Variants in TRRAP observed in about 807,000 individuals in gnomAD.
TRRAP encodes the protein transformation/transcription domain-associated protein.
A neutral mutation model predicts 438.8 loss-of-function variants in TRRAP; 41 were observed. The ratio of observed to expected loss-of-function variants is 0.09; its 90% CI spans 0.07 to 0.12. The LOEUF (loss-of-function observed/expected upper bound fraction) is 0.12. Ranked by LOEUF, TRRAP falls within the 10% of genes least tolerant of loss-of-function variation. The probability of loss-of-function intolerance (pLI) is 1.00; values close to 1 mark genes in which losing one functional copy is unlikely to be tolerated. For synonymous variants in TRRAP, 1,994 were observed against 1,962.9 expected (o/e 1.02, Z -0.42); for missense variants, 3,122 against 5,055.1 (o/e 0.62, Z 11.60).
chr7:98,914,732 A>G (rs1789442840), intron 18 of TRRAP, among the ~76,000 whole-genome samples: 1 of 149,488 alleles, frequency 6.7e-6, no homozygotes, highest in African/African-American at 2.4e-5. Flanking sequence ...AAAAAAAAAA[A>G]AAAAAAAAAA....
At chr7:98,936,768 T>C (rs771943533) in intron 28 of TRRAP, among the ~76,000 whole-genome samples, 27 of 152,212 alleles carry the variant, frequency 1.8e-4, no homozygotes, top group Non-Finnish European at 3.7e-4. Flanking sequence ...TCTTCTCATC[T>C]GAAGACGTAA....
intron 51 of TRRAP, among the ~76,000 whole-genome samples, chr7:98,969,399 C>A (rs1240751534): frequency 6.6e-6 from 1 of 152,228 alleles, no homozygotes; most frequent in Non-Finnish European, 1.5e-5. Flanking sequence ...CCTTTTAATT[C>A]TGTCAGTCCA....
intron 19 of TRRAP, 141 bp from the exon 20 acceptor site, chr7:98,917,282 G>T: frequency 8.9e-7 from 1 of 1,128,158 alleles, no homozygotes; most frequent in South Asian, 1.5e-5. Flanking sequence ...ATGTAACAGG[G>T]TGGAGTCTAA....
Position 98,937,251 on chromosome 7 carries a change from G to A in TRRAP, c.4207G>A (p.Glu1403Lys). 6.2e-7 allele frequency: 1 copy of A among 1,613,452 alleles called. No homozygotes were observed. The highest frequency in any genetic ancestry group is 2.2e-5 in the East Asian group (1 of 44,846). Residue 1403 changes from glutamate (E) to lysine (K), a missense_variant, in exon 29 of 73, where the codon GAG (glutamate) becomes AAG (lysine). Physicochemically the swap from Glu to Lys is moderately conservative, Grantham distance 56. Transcript: ENST00000456197. ...GAATTCCACCAATAGTGAGCTCCAA[G>A]AGGCCGGAGAAGCCTGTATGAGAAA... is the stretch of plus-strand genomic sequence containing the variant. ...ALNSTNSELQ[E>K]AGEACMRKFL...
At chr7:98,882,657 C>G (rs1795505673) in intron 3 of TRRAP, among the ~76,000 whole-genome samples, 1 of 151,350 alleles carries the variant, frequency 6.6e-6, no homozygotes, top group Non-Finnish European at 1.5e-5. Flanking sequence ...GCCACCTCAC[C>G]TGGCCTGTTT....
chr7:98,945,935 C>A lies in TRRAP; in HGVS notation c.4533C>A (p.Ala1511=). Residue 1511 remains alanine, a synonymous_variant, in exon 33 of 73, where the codon GCC becomes GCA. Transcript: ENST00000456197. ...PLSPFCQFEP[A]MEGVEEMKIC... ...TAATTTTTGTTTTGGTTCAGCCTGC[C>A]ATGGAAGGGGTAGAGGTGAGAACTT... The A allele has an allele frequency of 6.7e-7, 1 of 1,493,434 alleles. No homozygotes were observed. Among genetic ancestry groups the A allele is most frequent in the Admixed American group, 2.1e-5 (1 of 47,272 alleles). 92.5% of individuals were successfully genotyped at this position (1,493,434 alleles called of 1,614,324 possible). A position where few individuals can be genotyped will look rare whatever the true frequency, so the allele number is the denominator to read the frequency against.
chr7:98,942,576 G>C (rs1260408086), intron 30 of TRRAP, among the ~76,000 whole-genome samples: 6 of 152,184 alleles, frequency 3.9e-5, no homozygotes, highest in African/African-American at 1.4e-4. Flanking sequence ...CGCAAGGAGA[G>C]GGACATCATG....
rs760090444 is a variant in TRRAP, at chr7:98,976,718, C to G, written c.8195C>G (p.Pro2732Arg). Residue 2732 changes from proline to arginine, a missense_variant, in exon 55 of 73, where the codon CCG becomes CGG. Pro to Arg is a moderately radical substitution (Grantham distance 103). This residue lies in a region of TRRAP where 992 missense variants were observed against 1,281.2 expected (regional missense o/e 0.77). Coordinates refer to ENST00000456197, the MANE Select transcript of TRRAP (RefSeq NM_001375524.1). This position sits in a 1 kb window ranked among gnomAD's most constrained non-coding sequence, Gnocchi z 4.6. ...AAGGGTCTGAGTCTTCAGATTAAGCCGAAGCAAACAACGGAGTTTTATGAG... is the reference window on the plus strand; with the variant it reads ...AAGGGTCTGAGTCTTCAGATTAAGCGGAAGCAAACAACGGAGTTTTATGAG... The part of the protein sequence containing the change: ...FEKGLSLQIK[P>R]KQTTEFYEQE... 1 of 1,613,962 alleles carries G rather than the reference C, an allele frequency of 6.2e-7. No individual in the cohort carries two copies. The highest frequency in any genetic ancestry group is 8.5e-7 in the Non-Finnish European group (1 of 1,180,036).
intron 22 of TRRAP, 116 bp from the exon 23 acceptor site, chr7:98,927,051 C>T (rs748581739): frequency 2.8e-4 from 316 of 1,139,060 alleles, no homozygotes; most frequent in Non-Finnish European, 3.8e-4. Context: ...ATAAATTACC[C>T]AGGCCTGTCT....
In TRRAP at chr7:98,948,634, G is replaced by A. The variant is rs782130193; in HGVS notation, c.4737G>A (p.Leu1579=). The change falls in exon 35 of 73, where the codon CTG becomes CTA. Residue 1579 remains leucine (L), a synonymous_variant. Transcript: ENST00000456197. The surrounding 1 kb of genome is among the most constrained non-coding windows in gnomAD (Gnocchi z 4.9). Reference sequence around the variant, plus strand: ...GACATCCCTCGCAGACAGTGGAGCTGTTCATGATGGAAGCCACACTGAACG... The same window carrying A: ...GACATCCCTCGCAGACAGTGGAGCTATTCATGATGGAAGCCACACTGAACG... ...LTRHPSQTVE[L]FMMEATLNDP... 4 of 1,614,182 alleles carry A rather than the reference G, an allele frequency of 2.5e-6. No individual in the cohort carries two copies. Among genetic ancestry groups the A allele is most frequent in the Non-Finnish European group, 1.7e-6 (2 of 1,180,044 alleles).
At chr7:98,966,898 C>T (rs1490340332) in intron 49 of TRRAP, 143 bp from the exon 50 acceptor site, 2 of 748,770 alleles carry the variant, frequency 2.7e-6, no homozygotes, top group African/African-American at 1.8e-5. Context: ...TGATTTTAAG[C>T]ATCCAAAGAT....
intron 49 of TRRAP, 109 bp downstream of exon 49, chr7:98,966,004 ATTGCACTCACAGCATCT>A: frequency 8.0e-7 from 1 of 1,252,540 alleles, no homozygotes; most frequent in Non-Finnish European, 1.1e-6. Flanking sequence ...TTCTGCTGTA[ATTGCACTCACAGCATCT>A]TTTCTTAATT....
chr7:98,913,275 T>C (rs777834075), intron 18 of TRRAP, among the ~76,000 whole-genome samples: 1 of 152,036 alleles, frequency 6.6e-6, no homozygotes, highest in Admixed American at 6.6e-5. Flanking sequence ...TCCACTTCAC[T>C]CAGGTTTTGT....
In TRRAP at chr7:98,950,091, G is replaced by A. The variant is rs782426687; in HGVS notation, c.5163G>A (p.Leu1721=). Residue 1721 remains leucine, a synonymous_variant, in exon 38 of 73, where the codon CTG becomes CTA. Transcript: ENST00000456197. ...GGAATTACGGAGATATAGAATTGCT[G>A]TTCCAGCTGCTCCGAGCCTTTACTG... ...CKRNYGDIEL[L]FQLLRAFTGR... is the part of the protein sequence containing the mutation. 9.3e-6 allele frequency: 15 copies of A among 1,614,222 alleles called. No individual in the cohort carries two copies. The South Asian group carries it at 1.5e-4, about 17-fold the overall frequency.
intron 29 of TRRAP, 83 bp downstream of exon 29, chr7:98,937,360 T>A: frequency 1.3e-6 from 2 of 1,525,040 alleles, no homozygotes; most frequent in Non-Finnish European, 1.8e-6. Context: ...TCTTCCTGTT[T>A]ATTGCTATAT....
Position 99,005,095 on chromosome 7 carries a change from T to C in TRRAP, c.10536-36T>C. 1 of 1,602,374 alleles carries C rather than the reference T, an allele frequency of 6.2e-7. No individual in the cohort carries two copies. The highest frequency in any genetic ancestry group is 8.5e-7 in the Non-Finnish European group (1 of 1,171,452). ...TCAAGACAAGGACTGGTAGCAGAGA[T>C]GCAGGGCATGTCCTCATGGCTTCTC... is the stretch of plus-strand genomic sequence containing the variant. On this transcript the variant is annotated intron_variant, in intron 68 of 72. Transcript: ENST00000456197. This position sits in a 1 kb window ranked among gnomAD's most constrained non-coding sequence, Gnocchi z 5.1.
chr7:98,944,033 T>A (rs1790925560), intron 31 of TRRAP, among the ~76,000 whole-genome samples: 2 of 152,194 alleles, frequency 1.3e-5, no homozygotes, highest in South Asian at 4.1e-4. Context: ...AGGATTTTTT[T>A]AAAGAAGTGA....
Position 98,948,401 on chromosome 7 carries a change from C to T in TRRAP, c.4668+61C>T, listed in dbSNP as rs1791182694. The T allele has an allele frequency of 3.7e-6, 6 of 1,611,554 alleles. No individual in the cohort carries two copies. Among genetic ancestry groups the T allele is most frequent in the Non-Finnish European group, 5.1e-6 (6 of 1,178,582 alleles). ...CACCCTCCGGTGCTTATAGCGTCCT[C>T]ACTTGATCGTATTTTCAATGGACGG... On this transcript the variant is annotated intron_variant, in intron 34 of 72. Coordinates refer to ENST00000456197, the MANE Select transcript of TRRAP (RefSeq NM_001375524.1). This position sits in a 1 kb window ranked among gnomAD's most constrained non-coding sequence, Gnocchi z 4.9.
At chr7:98,879,220 C>T (rs1157443639) in intron 1 of TRRAP, among the ~76,000 whole-genome samples, 1 of 152,172 alleles carries the variant, frequency 6.6e-6, no homozygotes, top group East Asian at 1.9e-4. Context: ...CTTCGGCGTC[C>T]GGGGTGGTGA....
Sources: gnomAD v4.1 joint callset for allele counts (sites outside exome capture counted in the v4.1 genomes callset) on GRCh38, gnomAD v4.1.1 for gene constraint, gnomAD v4.1.1 regional missense constraint, Gnocchi (gnomAD v3.1) non-coding constraint, MANE v1.5 for transcripts, NCBI Gene and HGNC (gene_info 2026-07-23, HGNC 2026-07-21) for gene names.